The following MYO16 variants were observed in gnomAD, a reference collection of about 807,000 sequenced individuals.
The protein encoded by MYO16 is myosin XVI.
Under a neutral mutation model 205.3 loss-of-function variants are expected in MYO16, and 94 were observed. The observed-to-expected ratio is 0.46, with a 90% CI of 0.39 to 0.54. The LOEUF is 0.54. Among genes scored for constraint, MYO16 ranks in the 20% least tolerant of loss-of-function variants. The probability of loss-of-function intolerance (pLI) is 0.00; values close to 1 mark genes in which losing one functional copy is unlikely to be tolerated. For synonymous variants in MYO16, 988 were observed against 954.0 expected, an observed-to-expected ratio of 1.04 and a Z score of -0.66; for missense variants, 2,315 against 2,387.5, an observed-to-expected ratio of 0.97 and a Z score of 0.63.
chr13:108,838,790 A>ACACC (rs954072344), intron 9 of MYO16, among the ~76,000 whole-genome samples: 30 of 150,198 alleles, frequency 2.0e-4, no homozygotes, highest in Non-Finnish European at 3.9e-4. Flanking sequence ...ACACACACAC[A>ACACC]CCATAACAAC....
intron 1 of MYO16, chr13:108,659,217 T>TATATATATGATATATATATGCTATATATG (rs1184462782): frequency 1.9e-5 from 3 of 155,848 alleles, no homozygotes; most frequent in East Asian, 1.8e-4. Flanking sequence ...TGTGTGTGTA[T>TATATATATGATATATATATGCTATATATG]ATATATATGA....
intron 34 of MYO16, among the ~76,000 whole-genome samples, chr13:109,199,192 G>GTATATGTATA (rs1555340467): frequency 1.3e-5 from 1 of 75,600 alleles, no homozygotes; most frequent in Non-Finnish European, 2.5e-5. Context: ...AATAAAAAAG[G>GTATATGTATA]TATATATATA....
chr13:108,736,918 T>G (rs946291362), intron 4 of MYO16, among the ~76,000 whole-genome samples: 1 of 152,210 alleles, frequency 6.6e-6, no homozygotes, highest in Non-Finnish European at 1.5e-5. Context: ...GAATGAGAGA[T>G]CCCTCATGAT....
the MYO16 span, among the ~76,000 whole-genome samples, chr13:108,557,638 C>G: frequency 2.0e-5 from 3 of 152,058 alleles, no homozygotes; most frequent in South Asian, 6.2e-4. Flanking sequence ...AAGTTGAAGA[C>G]AATTGGCATT....
intron 1 of MYO16, among the ~76,000 whole-genome samples, chr13:108,648,568 A>G (rs924841185): frequency 2.7e-5 from 4 of 150,908 alleles, no homozygotes; most frequent in African/African-American, 7.3e-5. Flanking sequence ...ATTTAAAAAT[A>G]AATAATATAT....
chr13:108,538,141 T>G, the MYO16 span, among the ~76,000 whole-genome samples: 1 of 152,184 alleles, frequency 6.6e-6, no homozygotes, highest in African/African-American at 2.4e-5. Context: ...CACTTTCTTT[T>G]TCTATTAGCA....
At chr13:108,659,895 C>T (rs961744519) in intron 1 of MYO16, among the ~76,000 whole-genome samples, 3 of 151,912 alleles carry the variant, frequency 2.0e-5, no homozygotes, top group African/African-American at 7.3e-5. Flanking sequence ...TTTAGGAAAT[C>T]GATTAGTATA....
At chr13:108,537,701 T>G in the MYO16 span, among the ~76,000 whole-genome samples, 1 of 152,122 alleles carries the variant, frequency 6.6e-6, no homozygotes, top group Non-Finnish European at 1.5e-5. Flanking sequence ...TAATAGCCAT[T>G]GTGACTGGTG....
intron 2 of MYO16, among the ~76,000 whole-genome samples, chr13:108,696,827 C>G (rs1306649414): frequency 6.6e-6 from 1 of 152,106 alleles, no homozygotes; most frequent in Non-Finnish European, 1.5e-5. Flanking sequence ...CCTGTGTGGG[C>G]CTCATTCTGG....
chr13:108,957,473 G>A (rs1044310632), intron 16 of MYO16, among the ~76,000 whole-genome samples: 2 of 150,844 alleles, frequency 1.3e-5, no homozygotes, highest in East Asian at 1.9e-4. Flanking sequence ...ACCGAGTAAA[G>A]CAATGTAAAT....
intron 4 of MYO16, among the ~76,000 whole-genome samples, chr13:108,778,553 A>T (rs1348000896): frequency 6.6e-6 from 1 of 152,232 alleles, no homozygotes; most frequent in Non-Finnish European, 1.5e-5. Flanking sequence ...CGGGAGGCGA[A>T]GGTTGCAATC....
rs1881398967 is a variant in MYO16 at position 108,914,411 on chromosome 13, C to T, written c.1925+4261C>T. On this transcript the variant is annotated intron_variant, in intron 16 of 34. Coordinates refer to ENST00000457511, the MANE Select transcript of MYO16 (RefSeq NM_001198950.3). ...GCATCTCTTTGCTCACTCACTTATC[C>T]CACAGTGTAGCTTTTAGTGGAATTT... 2.0e-5 allele frequency among the ~76,000 whole-genome samples: 3 copies of T among 151,986 alleles called. No individual in the cohort carries two copies. In the South Asian group the frequency reaches 6.2e-4, roughly 32 times the overall value.
intron 4 of MYO16, among the ~76,000 whole-genome samples, chr13:108,748,686 G>T (rs933935215): frequency 6.6e-6 from 1 of 152,038 alleles, no homozygotes; most frequent in African/African-American, 2.4e-5. Context: ...TATAAATATA[G>T]TCCAGTGATC....
chr13:108,659,166 C>T (rs565547969), intron 1 of MYO16, among the ~76,000 whole-genome samples: 1 of 148,420 alleles, frequency 6.7e-6, no homozygotes, highest in South Asian at 2.1e-4. Context: ...GTCCTCCAAA[C>T]CAAGGTGCAT....
At chr13:109,037,301 A>G (rs1304141177) in intron 23 of MYO16, among the ~76,000 whole-genome samples, 1 of 152,216 alleles carries the variant, frequency 6.6e-6, no homozygotes, top group African/African-American at 2.4e-5. Context: ...AGTGAAGTCC[A>G]GGTGCTGCGT....
chr13:108,597,419 T>C lies in MYO16; in HGVS notation c.-39+1180T>C, dbSNP rs192134235. 4.3e-3 allele frequency among the ~76,000 whole-genome samples: 653 copies of C among 152,320 alleles called. 15 individuals carry two copies. The South Asian group carries it at 0.075, about 18-fold the overall frequency. The stretch of plus-strand genomic sequence containing the variant: ...TAAATAATATGTCAAGTCTGAAATT[T>C]TTTTTAGATGTTGTCTTATTGATAT... On this transcript the variant is annotated intron_variant, in intron 1 of 24. Coordinates refer to the MYO16 transcript ENST00000251041.
At position 109,027,321 on chromosome 13, in the gene MYO16, T is replaced by C. The variant is rs146917758; in HGVS notation, c.2796+7410T>C. Among the ~76,000 whole-genome samples, 110 of 152,332 alleles carry C rather than the reference T, an allele frequency of 7.2e-4. 1 individual carries two copies. In the East Asian group the frequency reaches 0.019, roughly 26 times the overall value. On this transcript the variant is annotated intron_variant, in intron 23 of 34. Coordinates refer to ENST00000457511, the MANE Select transcript of MYO16 (RefSeq NM_001198950.3). ...GCATCTTAATTTAGCTGATTTCATC[T>C]ACAAAGACCCTATTGCCAAATAAGG...
intron 27 of MYO16, among the ~76,000 whole-genome samples, chr13:109,076,682 G>A (rs1888117638): frequency 6.6e-6 from 1 of 152,134 alleles, no homozygotes; most frequent in Admixed American, 6.6e-5. Context: ...CATCAGCAGG[G>A]AAATGGTCCT....
At chr13:108,704,278 A>AAATG (rs1566560486) in intron 2 of MYO16, among the ~76,000 whole-genome samples, 1 of 152,240 alleles carries the variant, frequency 6.6e-6, no homozygotes, top group Non-Finnish European at 1.5e-5. Flanking sequence ...TAGATAAATG[A>AAATG]AATGAAAATA....
Sources: gnomAD v4.1 joint callset for allele counts (sites outside exome capture counted in the v4.1 genomes callset) on GRCh38, gnomAD v4.1.1 for gene constraint, MANE v1.5 for transcripts, NCBI Gene and HGNC (gene_info 2026-07-23, HGNC 2026-07-21) for gene names.